LRP12: variants seen among roughly 807,000 people sequenced by gnomAD.
LRP12 encodes the protein LDL receptor related protein 12.
LRP12 carries 14 observed loss-of-function variants against 66.0 expected under a neutral mutation model. The observed-to-expected ratio is 0.21, with a 90% confidence interval of 0.14 to 0.33. LRP12 has a LOEUF of 0.33. Ranked by LOEUF, LRP12 falls within the 10% of genes least tolerant of loss-of-function variation. The pLI, the probability that LRP12 is intolerant of heterozygous loss-of-function variation, is 1.00. For synonymous variants in LRP12, 357 were observed against 359.1 expected (o/e 0.99, Z 0.07); for missense variants, 889 against 1,053.4 (o/e 0.84, Z 2.16).
chr8:104,573,492 C>T (rs896385070), intron 1 of LRP12, among the ~76,000 whole-genome samples: 4 of 152,026 alleles, frequency 2.6e-5, no homozygotes, highest in African/African-American at 9.7e-5. Flanking sequence ...ATAGCTGATG[C>T]GTAAGAAGGG....
At chr8:104,582,371 G>T (rs1812266494) in intron 1 of LRP12, among the ~76,000 whole-genome samples, 1 of 151,258 alleles carries the variant, frequency 6.6e-6, no homozygotes, top group Non-Finnish European at 1.5e-5. Context: ...CTTCTGTAAA[G>T]CTACACAATA....
chr8:104,550,977 C>T (rs1811716407), intron 1 of LRP12, among the ~76,000 whole-genome samples: 1 of 152,134 alleles, frequency 6.6e-6, no homozygotes, highest in Non-Finnish European at 1.5e-5. Flanking sequence ...GCTTATAAAA[C>T]TGTAACTAGT....
At chr8:104,518,370 A>C (rs1246653237) in intron 2 of LRP12, among the ~76,000 whole-genome samples, 1 of 152,092 alleles carries the variant, frequency 6.6e-6, no homozygotes, top group Admixed American at 6.6e-5. Context: ...AAAAGCTGTA[A>C]GTCTCAGAGC....
intron 1 of LRP12, among the ~76,000 whole-genome samples, chr8:104,538,380 AAAAC>A (rs1344108958): frequency 6.6e-6 from 1 of 152,118 alleles, no homozygotes; most frequent in Non-Finnish European, 1.5e-5. Context: ...TTAAAAAACA[AAAAC>A]AAACACAACC....
At chr8:104,534,434 A>T (rs942033507) in intron 1 of LRP12, among the ~76,000 whole-genome samples, 1 of 152,058 alleles carries the variant, frequency 6.6e-6, no homozygotes, top group African/African-American at 2.4e-5. Context: ...AAACAGGCAC[A>T]GATTTCTTTA....
intron 1 of LRP12, among the ~76,000 whole-genome samples, chr8:104,554,961 G>A (rs1483963239): frequency 6.6e-6 from 1 of 152,150 alleles, no homozygotes; most frequent in South Asian, 2.1e-4. Context: ...AGGGATTGGG[G>A]TCCTATCTTT....
chr8:104,504,572 T>C (rs2140838862), intron 3 of LRP12: 1 of 152,344 alleles, frequency 6.6e-6, no homozygotes, highest in East Asian at 1.9e-4. Context: ...TATTTAGGAA[T>C]ATATTTCTAA....
At chr8:104,562,315 G>C (rs1811924962) in intron 1 of LRP12, among the ~76,000 whole-genome samples, 1 of 152,052 alleles carries the variant, frequency 6.6e-6, no homozygotes, top group Non-Finnish European at 1.5e-5. Flanking sequence ...TCCAACCTTT[G>C]ACCTAGTAAT....
intron 1 of LRP12, among the ~76,000 whole-genome samples, chr8:104,588,126 G>T (rs7823671): frequency 0.18 from 27,424 of 152,140 alleles, 3,188 homozygotes; most frequent in African/African-American, 0.33. Flanking sequence ...CGGCGGACGA[G>T]GATGGATGAA....
At chr8:104,541,186 ACAAG>A (rs1175611840) in intron 1 of LRP12, among the ~76,000 whole-genome samples, 1 of 152,220 alleles carries the variant, frequency 6.6e-6, no homozygotes, top group Middle Eastern at 3.2e-3. Context: ...CAAATACTAA[ACAAG>A]CACATGCTCC....
intron 1 of LRP12, among the ~76,000 whole-genome samples, chr8:104,574,608 C>T (rs1812133415): frequency 6.6e-6 from 1 of 152,104 alleles, no homozygotes; most frequent in Admixed American, 6.5e-5. Context: ...TTAATAGACA[C>T]TGTTTTCCAA....
At chr8:104,540,043 T>G (rs548286918) in intron 1 of LRP12, among the ~76,000 whole-genome samples, 1 of 152,238 alleles carries the variant, frequency 6.6e-6, no homozygotes, top group African/African-American at 2.4e-5. Flanking sequence ...GAGTGGTCAC[T>G]TTCTCACTGA....
chr8:104,556,450 T>C (rs745861959), intron 1 of LRP12, among the ~76,000 whole-genome samples: 1 of 152,038 alleles, frequency 6.6e-6, no homozygotes, highest in Admixed American at 6.6e-5. Flanking sequence ...AGAAATGAAA[T>C]GGGAGATATT....
chr8:104,499,624 A>G, intron 3 of LRP12, 105 bp from the exon 4 acceptor site: 1 of 677,396 alleles, frequency 1.5e-6, no homozygotes, highest in Non-Finnish European at 2.5e-6. Flanking sequence ...ATACTGACTG[A>G]TTCTCCTGGG....
At chr8:104,535,508 A>G (rs1383695611) in intron 1 of LRP12, among the ~76,000 whole-genome samples, 3 of 151,954 alleles carry the variant, frequency 2.0e-5, no homozygotes, top group African/African-American at 7.2e-5. Context: ...TCTTTTATAT[A>G]TTTCTGTCCT....
chr8:104,588,182 G>C (rs1033586016), intron 1 of LRP12, among the ~76,000 whole-genome samples: 2 of 152,192 alleles, frequency 1.3e-5, no homozygotes, highest in African/African-American at 4.8e-5. Flanking sequence ...CACCCTAACA[G>C]GAGAGACTGA....
intron 1 of LRP12, among the ~76,000 whole-genome samples, chr8:104,548,288 C>CGAT (rs1564142039): frequency 5.3e-4 from 34 of 63,622 alleles, no homozygotes; most frequent in African/African-American, 3.4e-3. Flanking sequence ...ATTAATATAT[C>CGAT]ATATATTTAT....
intron 1 of LRP12, among the ~76,000 whole-genome samples, chr8:104,560,453 T>C (rs1324987805): frequency 6.6e-6 from 1 of 152,088 alleles, no homozygotes; most frequent in Non-Finnish European, 1.5e-5. Context: ...AAAAGAGAGG[T>C]TGGTAGCTGT....
intron 1 of LRP12, among the ~76,000 whole-genome samples, chr8:104,584,662 G>A (rs1812303764): frequency 6.6e-6 from 1 of 151,800 alleles, no homozygotes; most frequent in African/African-American, 2.4e-5. Context: ...TTTCTGCCCT[G>A]ATAACCACCT....
Sources: gnomAD v4.1 joint callset for allele counts (sites outside exome capture counted in the v4.1 genomes callset) on GRCh38, gnomAD v4.1.1 for gene constraint, MANE v1.5 for transcripts, NCBI Gene and HGNC (gene_info 2026-07-23, HGNC 2026-07-21) for gene names.